The following CDK1 variants were observed in gnomAD, a reference collection of about 807,000 sequenced individuals.
The protein encoded by CDK1 is cyclin-dependent kinase 1.
A neutral mutation model predicts 34.6 loss-of-function variants in CDK1; 5 were observed. The observed-to-expected ratio is 0.14, with a 90% CI of 0.08 to 0.30. The LOEUF (loss-of-function observed/expected upper bound fraction) is 0.30. Ranked by LOEUF, CDK1 falls within the 10% of genes least tolerant of loss-of-function variation. The probability of loss-of-function intolerance (pLI) is 1.00; values close to 1 mark genes in which losing one functional copy is unlikely to be tolerated. For missense variants in CDK1, 157 were observed against 345.7 expected (o/e 0.45, Z 4.33); for synonymous variants, 108 against 114.7 (o/e 0.94, Z 0.37).
rs3213084 is a variant in CDK1 at position 60,794,521 on chromosome 10, TAGG to T, written c.*549_*551del. On this transcript the variant is annotated 3_prime_UTR_variant, in exon 8 of 8. Transcript: ENST00000395284. ...GATTTGAGAAATGATGCTAAATTTA[TAGG>T]AGTTTTCAGTAACTTAAAAAGCTAA... The T allele has an allele frequency of 0.28, 42,348 of 151,936 alleles. 6,219 individuals are homozygous for T. The highest frequency in any genetic ancestry group is 0.33 in the Non-Finnish European group (22,192 of 67,912). 9.4% of individuals were successfully genotyped at this position (151,936 alleles called of 1,614,324 possible).
chr10:60,792,163 C>A lies in CDK1; in HGVS notation c.669C>A (p.Pro223=). ...TGTTTTTTAGAGCTTTGGGCACTCCCAATAATGAAGTGTGGCCAGAAGTGG... is the reference window on the plus strand; with the variant it reads ...TGTTTTTTAGAGCTTTGGGCACTCCAAATAATGAAGTGTGGCCAGAAGTGG... ...LFRIFRALGT[P]NNEVWPEVES... The change falls in exon 7 of 8, where the codon CCC becomes CCA. Residue 223 remains proline, a synonymous_variant. Coordinates refer to ENST00000395284, the MANE Select transcript of CDK1 (RefSeq NM_001786.5). The A allele has an allele frequency of 6.2e-7, 1 of 1,608,760 alleles. No individual in the cohort carries two copies. The highest frequency in any genetic ancestry group is 8.5e-7 in the Non-Finnish European group (1 of 1,178,148).
intron 3 of CDK1, 86 bp from the exon 4 acceptor site, chr10:60,785,578 C>G (rs2080308915): frequency 1.3e-5 from 10 of 798,816 alleles, no homozygotes; most frequent in Non-Finnish European, 2.0e-5. Context: ...ATTATAGCAA[C>G]TGAAATTATG....
intron 4 of CDK1, chr10:60,787,621 C>G (rs377222162): frequency 6.6e-6 from 1 of 151,974 alleles, no homozygotes; most frequent in South Asian, 2.1e-4. Context: ...AATATATAAT[C>G]ATAATATCTT....
chr10:60,790,563 G>T (rs746016161), intron 5 of CDK1, among the ~76,000 whole-genome samples: 1 of 152,058 alleles, frequency 6.6e-6, no homozygotes, highest in Non-Finnish European at 1.5e-5. Context: ...GTCTATTTTT[G>T]ATTTTGTTTC....
chr10:60,779,612 A>C (rs2080254729), intron 1 of CDK1, among the ~76,000 whole-genome samples: 1 of 152,214 alleles, frequency 6.6e-6, no homozygotes, highest in Admixed American at 6.5e-5. Context: ...TAAAATTGTC[A>C]CGTGGGCAAC....
rs2080363538 is a variant in CDK1, at chr10:60,792,007, C to G, written c.607C>G (p.Leu203Val). ...TGCTGAACTAGCAACTAAGAAACCACTTTTCCATGGGGATTCAGAAATTGA... is the reference window on the plus strand; with the variant it reads ...TGCTGAACTAGCAACTAAGAAACCAGTTTTCCATGGGGATTCAGAAATTGA... ...IFAELATKKP[L>V]FHGDSEIDQL... The change falls in exon 6 of 8, where the codon CTT (leucine) becomes GTT (valine). Residue 203 changes from leucine to valine, a missense_variant. Leu to Val is a conservative substitution (Grantham distance 32, BLOSUM62 1). Coordinates refer to ENST00000395284, the MANE Select transcript of CDK1 (RefSeq NM_001786.5). 2 of 1,613,028 alleles carry G rather than the reference C, an allele frequency of 1.2e-6. No homozygotes were observed. The highest frequency in any genetic ancestry group is 1.7e-6 in the Non-Finnish European group (2 of 1,179,326).
In CDK1 at chr10:60,792,249, A is replaced by G; in HGVS notation, c.755A>G (p.His252Arg). ...PKWKPGSLAS[H>R]VKNLDENGLD... is the part of the protein sequence containing the mutation. ...TGGAAACCAGGAAGCCTAGCATCCC[A>G]TGTCAAAAACTTGGATGAAAATGGC... The change falls in exon 7 of 8, where the codon CAT (histidine) becomes CGT (arginine). Residue 252 changes from histidine (H) to arginine (R), a missense_variant. His to Arg is a conservative substitution (Grantham distance 29). This residue lies in a region of CDK1 where 102 missense variants were observed against 233.6 expected (regional missense o/e 0.44). Coordinates refer to ENST00000395284, the MANE Select transcript of CDK1 (RefSeq NM_001786.5). The G allele has an allele frequency of 6.2e-7, 1 of 1,612,298 alleles. No homozygotes were observed. The highest frequency in any genetic ancestry group is 8.5e-7 in the Non-Finnish European group (1 of 1,179,230).
In CDK1 at chr10:60,793,871, TC is replaced by T; in HGVS notation, c.796-3del. Reference sequence around the variant, plus strand: ...AATAAATATCTCTTTTTCTTTTTTCTCCCAGAAAATGTTAATCTATGATCCA... The same window carrying T: ...AATAAATATCTCTTTTTCTTTTTTCTCCAGAAAATGTTAATCTATGATCCA... On this transcript the variant is annotated splice_region_variant and splice_polypyrimidine_tract_variant and intron_variant, in intron 7 of 7. Transcript: ENST00000395284. The T allele has an allele frequency of 6.8e-7, 1 of 1,465,542 alleles. No individual in the cohort carries two copies. Among genetic ancestry groups the T allele is most frequent in the Non-Finnish European group, 9.3e-7 (1 of 1,070,814 alleles). The allele number at this position is 1,465,542 out of a possible 1,614,324, so 90.8% of individuals were successfully genotyped here.
intron 5 of CDK1, 110 bp downstream of exon 5, chr10:60,788,340 G>A (rs2456772): frequency 2.8e-6 from 2 of 720,206 alleles, no homozygotes; most frequent in Non-Finnish European, 4.3e-6. Context: ...CTACTCTGTG[G>A]CAGTATCAAT....
At chr10:60,778,781 G>T (rs986910718) in intron 1 of CDK1, 5 of 152,570 alleles carry the variant, frequency 3.3e-5, no homozygotes, top group African/African-American at 9.7e-5. Flanking sequence ...GGCTATGGGA[G>T]CCCAGCCTGG....
In CDK1 at chr10:60,792,036, A is replaced by G. The variant is rs2080363621; in HGVS notation, c.636A>G (p.Gln212=). 1.2e-6 allele frequency: 2 copies of G among 1,607,876 alleles called. No individual in the cohort carries two copies. Among genetic ancestry groups the G allele is most frequent in the South Asian group, 1.1e-5 (1 of 90,644 alleles). The part of the protein sequence containing the change: ...PLFHGDSEID[Q]LFRIFRALGT... ...TCCATGGGGATTCAGAAATTGATCA[A>G]CTCTTCAGGATTTTCAGGTAGCTAT... The change falls in exon 6 of 8, where the codon CAA becomes CAG. Residue 212 remains glutamine (Q), a synonymous_variant. Coordinates refer to ENST00000395284, the MANE Select transcript of CDK1 (RefSeq NM_001786.5).
At chr10:60,791,114 G>T (rs1351793274) in intron 5 of CDK1, among the ~76,000 whole-genome samples, 1 of 152,024 alleles carries the variant, frequency 6.6e-6, no homozygotes, top group East Asian at 1.9e-4. Flanking sequence ...GATTGCATTG[G>T]GTGGTAATAT....
intron 2 of CDK1, among the ~76,000 whole-genome samples, chr10:60,784,042 A>C (rs1026507487): frequency 6.6e-6 from 1 of 152,212 alleles, no homozygotes; most frequent in African/African-American, 2.4e-5. Context: ...TCCTGAGCCC[A>C]AATTTTTACA....
At position 60,792,271 on chromosome 10, in the gene CDK1, T is replaced by G. The variant is rs755852078; in HGVS notation, c.777T>G (p.Asn259Lys). The G allele has an allele frequency of 1.2e-6, 2 of 1,609,348 alleles. No individual in the cohort carries two copies. The highest frequency in any genetic ancestry group is 1.7e-6 in the Non-Finnish European group (2 of 1,178,506). ...LASHVKNLDE[N>K]GLDLLSKMLI... ...CCCATGTCAAAAACTTGGATGAAAATGGCTTGGATTTGCTCTCGGTAAGGA... is the reference window on the plus strand; with the variant it reads ...CCCATGTCAAAAACTTGGATGAAAAGGGCTTGGATTTGCTCTCGGTAAGGA... Residue 259 changes from asparagine to lysine, a missense_variant, in exon 7 of 8, where the codon AAT becomes AAG. Asn to Lys is a moderately conservative substitution (Grantham distance 94). Coordinates refer to ENST00000395284, the MANE Select transcript of CDK1 (RefSeq NM_001786.5).
chr10:60,794,579 T>C lies in CDK1; in HGVS notation c.*604T>C, dbSNP rs1339154417. 1 of 152,162 alleles carries C rather than the reference T, an allele frequency of 6.6e-6. No homozygotes were observed. Among genetic ancestry groups the C allele is most frequent in the East Asian group, 1.9e-4 (1 of 5,198 alleles). The allele number at this position is 152,162 out of a possible 1,614,324, so 9.4% of individuals were successfully genotyped here. Reference sequence around the variant, plus strand: ...AGAGCATGCCAAAATTTGCTAAGTCTTACAAAGATCAAGGGCTGTCCGCAA... The same window carrying C: ...AGAGCATGCCAAAATTTGCTAAGTCCTACAAAGATCAAGGGCTGTCCGCAA... On this transcript the variant is annotated 3_prime_UTR_variant, in exon 8 of 8. Coordinates refer to ENST00000395284, the MANE Select transcript of CDK1 (RefSeq NM_001786.5).
At position 60,794,176 on chromosome 10, in the gene CDK1, C is replaced by A; in HGVS notation, c.*201C>A. The A allele has an allele frequency of 2.8e-6, 1 of 362,098 alleles. No homozygotes were observed. The highest frequency in any genetic ancestry group is 4.9e-6 in the Non-Finnish European group (1 of 205,202). The allele number at this position is 362,098 out of a possible 1,614,324, so 22.4% of individuals were successfully genotyped here. ...TAATTCTGTAAATGTGTGTAGGTCT[C>A]ACTGTAACAACTATTTGTTACTATA... On this transcript the variant is annotated 3_prime_UTR_variant, in exon 8 of 8. Transcript: ENST00000395284.
intron 7 of CDK1, 28 bp downstream of exon 7, chr10:60,792,317 C>T: frequency 6.4e-7 from 1 of 1,564,090 alleles, no homozygotes. Flanking sequence ...TACTGACTTT[C>T]AAATTATTGA....
In CDK1 at chr10:60,785,800, C is replaced by A; in HGVS notation, c.318+13C>A. The A allele has an allele frequency of 6.3e-7, 1 of 1,579,060 alleles. No homozygotes were observed. Among genetic ancestry groups the A allele is most frequent in the South Asian group, 1.2e-5 (1 of 84,372 alleles). The stretch of plus-strand genomic sequence containing the variant: ...TTCACTTGTTAAGGTAAAAGCTTAA[C>A]TAATTTTATTAATATTTATGCACTG... On this transcript the variant is annotated intron_variant, in intron 4 of 7. Transcript: ENST00000395284.
intron 4 of CDK1, chr10:60,786,111 G>A: frequency 1.0e-6 from 1 of 997,854 alleles, no homozygotes; most frequent in Non-Finnish European, 1.2e-6. Flanking sequence ...AGTGGTGGTT[G>A]TAGGTGTTTT....
Sources: gnomAD v4.1 joint callset for allele counts (sites outside exome capture counted in the v4.1 genomes callset) on GRCh38, gnomAD v4.1.1 for gene constraint, gnomAD v4.1.1 regional missense constraint, MANE v1.5 for transcripts, NCBI Gene and HGNC (gene_info 2026-07-23, HGNC 2026-07-21) for gene names.